Variants in GNA15 observed in about 807,000 individuals in gnomAD.
The protein encoded by GNA15 is G protein subunit alpha 15, also known as guanine nucleotide-binding protein subunit alpha-15.
GNA15 carries 23 observed loss-of-function variants against 40.1 expected under a neutral mutation model. That is an observed-to-expected ratio of 0.57 (90% CI 0.41 to 0.81). The LOEUF (loss-of-function observed/expected upper bound fraction) is 0.81, where lower values mean the gene tolerates loss of function less well. GNA15 is among the 40% of genes least tolerant of loss of function. The pLI is 0.00. For synonymous variants in GNA15, 226 were observed against 210.4 expected (o/e 1.07, Z -0.64); for missense variants, 522 against 515.8 (o/e 1.01, Z -0.12).
intron 6 of GNA15, among the ~76,000 whole-genome samples, chr19:3,162,418 G>T (rs1430072100): frequency 1.3e-5 from 2 of 149,760 alleles, no homozygotes; most frequent in Admixed American, 6.6e-5. Flanking sequence ...TCTTCCCCTC[G>T]TTTGGCCTTG....
chr19:3,144,985 T>A (rs1298895341), intron 1 of GNA15, among the ~76,000 whole-genome samples: 1 of 151,326 alleles, frequency 6.6e-6, no homozygotes, highest in Non-Finnish European at 1.5e-5. Flanking sequence ...CGCGCCACCA[T>A]GCCCAGCTAA....
chr19:3,137,252 A>T (rs1428975883), intron 1 of GNA15, among the ~76,000 whole-genome samples: 2 of 152,242 alleles, frequency 1.3e-5, no homozygotes, highest in Non-Finnish European at 2.9e-5. Context: ...AGCAGATAAA[A>T]TAATTCTGGC....
chr19:3,138,697 C>T (rs1914508833), intron 1 of GNA15, among the ~76,000 whole-genome samples: 1 of 152,072 alleles, frequency 6.6e-6, no homozygotes, highest in Non-Finnish European at 1.5e-5. Context: ...GTGGTGCGAT[C>T]TCAACTCACT....
chr19:3,140,011 C>A (rs1280053036), intron 1 of GNA15, among the ~76,000 whole-genome samples: 1 of 118,008 alleles, frequency 8.5e-6, no homozygotes, highest in African/African-American at 3.4e-5. Context: ...CCAGCCTAGG[C>A]AATAAGAGTG....
intron 6 of GNA15, among the ~76,000 whole-genome samples, chr19:3,159,125 C>T (rs1263807594): frequency 3.3e-5 from 5 of 150,546 alleles, no homozygotes; most frequent in African/African-American, 9.8e-5. Context: ...CCTGGGTTCA[C>T]ACCATTCTGC....
chr19:3,158,344 G>T (rs1463472453), intron 6 of GNA15, among the ~76,000 whole-genome samples: 1 of 151,892 alleles, frequency 6.6e-6, no homozygotes, highest in Non-Finnish European at 1.5e-5. Context: ...CGAAAAGACG[G>T]GATTTCACCA....
Position 3,149,852 on chromosome 19 carries a change from G to C in GNA15, c.331-279G>C, listed in dbSNP as rs115136543. The C allele has an allele frequency of 2.7e-3, 1,014 of 376,516 alleles. 9 individuals carry two copies. Among genetic ancestry groups the C allele is most frequent in the African/African-American group, 0.02 (956 of 46,982 alleles). 23.3% of individuals were successfully genotyped at this position (376,516 alleles called of 1,614,324 possible). A position where few individuals can be genotyped will look rare whatever the true frequency, so the allele number is the denominator to read the frequency against. ...GGAGCCAGCTAGTGTAAAGAGCGGG[G>C]CTGGGTGCCATGCTCCCCCTGAGCC... On this transcript the variant is annotated intron_variant, in intron 2 of 6. Transcript: ENST00000262958.
chr19:3,159,449 G>A (rs182458165), intron 6 of GNA15, among the ~76,000 whole-genome samples: 3 of 148,006 alleles, frequency 2.0e-5, no homozygotes, highest in Non-Finnish European at 4.5e-5. Flanking sequence ...CGGGTTCAAG[G>A]GATTCTCCTG....
At chr19:3,140,742 CTGAATGAATGAA>C (rs71179973) in intron 1 of GNA15, among the ~76,000 whole-genome samples, 2 of 151,608 alleles carry the variant, frequency 1.3e-5, no homozygotes, top group Non-Finnish European at 2.9e-5. Context: ...TCAAGAAATG[CTGAATGAATGAA>C]TGAATGAATG....
In GNA15 at chr19:3,136,216, C is replaced by G. The variant is rs1005156541; in HGVS notation, c.-235C>G. 4.2e-6 allele frequency: 2 copies of G among 476,262 alleles called. No homozygotes were observed. The highest frequency in any genetic ancestry group is 7.3e-5 in the Admixed American group (2 of 27,404). 29.5% of individuals were successfully genotyped at this position (476,262 alleles called of 1,614,324 possible). On this transcript the variant is annotated 5_prime_UTR_variant, in exon 1 of 7. Transcript: ENST00000262958. This position sits in a 1 kb window ranked among gnomAD's most constrained non-coding sequence, Gnocchi z 4.9. ...GCGGGGAGCCCTGGCCTCCCCACCT[C>G]CTCCCGTCCCCACCCTGTTCCCAGC...
chr19:3,150,788 A>G (rs1475672794), intron 3 of GNA15, among the ~76,000 whole-genome samples: 4 of 136,956 alleles, frequency 2.9e-5, no homozygotes, highest in Non-Finnish European at 4.7e-5. Context: ...CCTGGGGGGA[A>G]CCCTATTCCT....
intron 1 of GNA15, among the ~76,000 whole-genome samples, chr19:3,145,336 AATATATAT>A (rs1191752115): frequency 3.3e-5 from 2 of 60,200 alleles, no homozygotes; most frequent in Non-Finnish European, 5.9e-5. Context: ...CGTCTGACTA[AATATATAT>A]ATATATATAT....
chr19:3,141,084 T>C (rs149721598), intron 1 of GNA15, among the ~76,000 whole-genome samples: 7,032 of 146,904 alleles, frequency 0.048, 217 homozygotes, highest in Non-Finnish European at 0.066. Flanking sequence ...TTGAGGAAGA[T>C]GGCAAAAAGG....
intron 1 of GNA15, among the ~76,000 whole-genome samples, chr19:3,139,252 C>A (rs1043429134): frequency 6.6e-6 from 1 of 151,890 alleles, no homozygotes; most frequent in African/African-American, 2.4e-5. Context: ...AGTCAAGGGC[C>A]CTTTCAACTC....
At chr19:3,139,524 G>A (rs1052539722) in intron 1 of GNA15, among the ~76,000 whole-genome samples, 1 of 150,494 alleles carries the variant, frequency 6.6e-6, no homozygotes, top group Non-Finnish European at 1.5e-5. Flanking sequence ...GAGCCTGGGA[G>A]GTTGAGGCTG....
rs992821458 is a variant in GNA15 at position 3,136,086 on chromosome 19, G to A, written c.-365G>A. 3.2e-4 allele frequency: 59 copies of A among 183,460 alleles called. No individual in the cohort carries two copies. The highest frequency in any genetic ancestry group is 1.8e-4 in the Admixed American group (3 of 16,722). The allele number at this position is 183,460 out of a possible 1,614,324, so 11.4% of individuals were successfully genotyped here. A position where few individuals can be genotyped will look rare whatever the true frequency, so the allele number is the denominator to read the frequency against. ...ACACAGGACCCAGTCTGCGGTGGGG[G>A]TTTTCCCGCCACCGCCCCGCCCTCC... On this transcript the variant is annotated 5_prime_UTR_variant, in exon 1 of 7. Transcript: ENST00000262958. This position sits in a 1 kb window ranked among gnomAD's most constrained non-coding sequence, Gnocchi z 4.9.
chr19:3,139,356 G>T (rs891072214), intron 1 of GNA15, among the ~76,000 whole-genome samples: 15 of 152,052 alleles, frequency 9.9e-5, no homozygotes, highest in African/African-American at 3.6e-4. Flanking sequence ...GGAGGCCTAG[G>T]TGGGAGGATT....
chr19:3,159,460 C>A (rs1323615290), intron 6 of GNA15, among the ~76,000 whole-genome samples: 1 of 151,514 alleles, frequency 6.6e-6, no homozygotes, highest in Non-Finnish European at 1.5e-5. Flanking sequence ...GATTCTCCTG[C>A]CTCAGCCTCC....
rs1424352509 is a variant in GNA15 at position 3,155,399 on chromosome 19, C to T, written c.615-424C>T. Among the ~76,000 whole-genome samples the T allele has an allele frequency of 1.3e-5, 2 of 152,184 alleles. No individual in the cohort carries two copies. Among genetic ancestry groups the T allele is most frequent in the Non-Finnish European group, 1.5e-5 (1 of 68,026 alleles). ...CTCTGGGAACAGCCCTCATTCCCAT[C>T]TGTGTGGCCACTGGACATGCCCATG... On this transcript the variant is annotated intron_variant, in intron 4 of 6. Transcript: ENST00000262958. The surrounding 1 kb of genome is among the most constrained non-coding windows in gnomAD (Gnocchi z 5.6).
Sources: allele counts gnomAD v4.1 joint callset (sites outside exome capture counted in the v4.1 genomes callset), GRCh38; gene constraint gnomAD v4.1.1; non-coding constraint Gnocchi (gnomAD v3.1); transcripts MANE v1.5; gene names NCBI Gene and HGNC (gene_info 2026-07-23, HGNC 2026-07-21).